Variants in IL10RB observed in about 807,000 individuals in gnomAD.
The protein encoded by IL10RB is interleukin 10 receptor subunit beta.
Under a neutral mutation model 38.7 loss-of-function variants are expected in IL10RB, and 30 were observed. That is an observed-to-expected ratio of 0.78 (90% CI 0.58 to 1.05). The LOEUF is 1.05. Among genes scored for constraint, IL10RB ranks in the 50% least tolerant of loss-of-function variants. The pLI, the probability that IL10RB is intolerant of heterozygous loss-of-function variation, is 0.00. For missense variants in IL10RB, 328 were observed against 397.1 expected (o/e 0.83, Z 1.48); for synonymous variants, 142 against 145.9 (o/e 0.97, Z 0.19).
intron 5 of IL10RB, among the ~76,000 whole-genome samples, chr21:33,286,854 A>G (rs1224064719): frequency 1.3e-5 from 2 of 152,182 alleles, no homozygotes; most frequent in Non-Finnish European, 2.9e-5. Flanking sequence ...CTCTATCTCA[A>G]AAATGAAAAT....
downstream of IL10RB, among the ~76,000 whole-genome samples, chr21:33,300,942 G>A (rs910210095): frequency 1.3e-5 from 2 of 152,168 alleles, no homozygotes; most frequent in African/African-American, 2.4e-5. Flanking sequence ...TACTTCTGCC[G>A]CAGGAAACTT....
intron 2 of IL10RB, among the ~76,000 whole-genome samples, chr21:33,270,875 A>G (rs1989066743): frequency 6.6e-6 from 1 of 150,540 alleles, no homozygotes; most frequent in Non-Finnish European, 1.5e-5. Flanking sequence ...GGGTTTCACC[A>G]TGTTGGCCGA....
chr21:33,278,777 C>T (rs1989226779), intron 3 of IL10RB, among the ~76,000 whole-genome samples: 1 of 152,206 alleles, frequency 6.6e-6, no homozygotes, highest in African/African-American at 2.4e-5. Flanking sequence ...TTTATACTTG[C>T]TTTGGCAAAG....
downstream of IL10RB, among the ~76,000 whole-genome samples, chr21:33,301,194 C>A (rs887420077): frequency 3.3e-5 from 5 of 152,118 alleles, no homozygotes; most frequent in Non-Finnish European, 5.9e-5. Context: ...AAAAAACAAA[C>A]GGGAAGTAAA....
intron 2 of IL10RB, among the ~76,000 whole-genome samples, chr21:33,270,950 C>T (rs527456806): frequency 6.6e-6 from 1 of 152,330 alleles, no homozygotes; most frequent in East Asian, 1.9e-4. Flanking sequence ...GCTGGGATTA[C>T]AGGCGTGAGC....
At chr21:33,277,053 G>A (rs1433320296) in intron 3 of IL10RB, among the ~76,000 whole-genome samples, 1 of 63,322 alleles carries the variant, frequency 1.6e-5, no homozygotes. Context: ...GATTCTTGTG[G>A]TGAATTTTCT....
chr21:33,296,119 T>C, intron 6 of IL10RB, 65 bp from the exon 7 acceptor site: 1 of 1,275,980 alleles, frequency 7.8e-7, no homozygotes, highest in Non-Finnish European at 1.1e-6. Flanking sequence ...TGTGAAAAAA[T>C]CTTTGTAAAC....
Position 33,281,481 on chromosome 21 carries a change from G to T in IL10RB, c.498+1563G>T, listed in dbSNP as rs1385877557. Among the ~76,000 whole-genome samples, 4 of 152,166 alleles carry T rather than the reference G, an allele frequency of 2.6e-5. No homozygotes were observed. In the East Asian group the frequency reaches 5.8e-4, roughly 22 times the overall value. ...GTTACACATTTGTCCTCTCTCTTCG[G>T]CCAGTTGTGTGGCAACCTTCTGTGT... On this transcript the variant is annotated intron_variant, in intron 4 of 6. Transcript: ENST00000290200.
chr21:33,271,096 G>A (rs1186449411), intron 2 of IL10RB, among the ~76,000 whole-genome samples: 4 of 152,164 alleles, frequency 2.6e-5, no homozygotes, highest in Non-Finnish European at 5.9e-5. Context: ...TGGGTTCCAG[G>A]TCTCCCCCGC....
chr21:33,304,633 T>G (rs1288287739), intron 1 of IL10RB, among the ~76,000 whole-genome samples: 1 of 152,182 alleles, frequency 6.6e-6, no homozygotes, highest in South Asian at 2.1e-4. Flanking sequence ...ATGCGCACTC[T>G]CCTGGGGATT....
chr21:33,267,144 T>C (rs8178441), intron 1 of IL10RB, among the ~76,000 whole-genome samples: 181 of 152,264 alleles, frequency 1.2e-3, no homozygotes, highest in African/African-American at 4.2e-3. Flanking sequence ...AATAACACCA[T>C]GGTCACCTCC....
intron 6 of IL10RB, among the ~76,000 whole-genome samples, chr21:33,289,150 C>T (rs946737685): frequency 6.6e-6 from 1 of 152,184 alleles, no homozygotes; most frequent in Non-Finnish European, 1.5e-5. Context: ...TGGCCATGCG[C>T]TGGATGTGGG....
At chr21:33,278,046 C>G (rs1182190550) in intron 3 of IL10RB, among the ~76,000 whole-genome samples, 1 of 118,932 alleles carries the variant, frequency 8.4e-6, no homozygotes, top group Non-Finnish European at 1.8e-5. Context: ...AAAAAAATAC[C>G]AAAAAAAAAA....
chr21:33,270,146 T>C (rs1362647032), intron 2 of IL10RB, among the ~76,000 whole-genome samples: 10 of 152,242 alleles, frequency 6.6e-5, no homozygotes, highest in Non-Finnish European at 1.5e-4. Flanking sequence ...CAGTCCATAG[T>C]CCAGTACTGT....
chr21:33,278,083 G>A (rs1027843681), intron 3 of IL10RB, among the ~76,000 whole-genome samples: 17 of 151,662 alleles, frequency 1.1e-4, no homozygotes, highest in Admixed American at 2.6e-4. Flanking sequence ...CAGGCATGGT[G>A]GAGTGTGCTT....
At position 33,276,517 on chromosome 21, in the gene IL10RB, C is replaced by CG. The variant is rs1430428383; in HGVS notation, c.174-79_174-78insG. ...GTTTCCACTCCCGCGCCGCCCCCCC[C>CG]TCCAAATTAAGTACCAGTCAGCCTC... is the stretch of plus-strand genomic sequence containing the variant. On this transcript the variant is annotated intron_variant, in intron 2 of 6. Transcript: ENST00000290200. 50 of 1,198,570 alleles carry CG rather than the reference C, an allele frequency of 4.2e-5. No homozygotes were observed. The Middle Eastern group carries it at 1.2e-3, about 28-fold the overall frequency. The allele number at this position is 1,198,570 out of a possible 1,614,324, so 74.2% of individuals were successfully genotyped here.
At chr21:33,285,949 C>T (rs1989366394) in intron 5 of IL10RB, among the ~76,000 whole-genome samples, 1 of 152,126 alleles carries the variant, frequency 6.6e-6, no homozygotes, top group Admixed American at 6.5e-5. Context: ...AAGTGTGGGC[C>T]AGACGGCACC....
intron 3 of IL10RB, among the ~76,000 whole-genome samples, chr21:33,277,668 CTTTTTT>C (rs1216043179): frequency 2.4e-4 from 22 of 92,982 alleles, no homozygotes; most frequent in Admixed American, 8.7e-4. Context: ...TTCTTTCTTT[CTTTTTT>C]TTTTTTTTTT....
At chr21:33,293,915 T>G (rs1601838375) in intron 6 of IL10RB, 2 of 458,292 alleles carry the variant, frequency 4.4e-6, no homozygotes, top group East Asian at 1.4e-4. Context: ...AGAATGAGGG[T>G]GGGCCCTTTG....
Sources: gnomAD v4.1 joint callset for allele counts (sites outside exome capture counted in the v4.1 genomes callset) on GRCh38, gnomAD v4.1.1 for gene constraint, MANE v1.5 for transcripts, NCBI Gene and HGNC (gene_info 2026-07-23, HGNC 2026-07-21) for gene names.